Variants in BLM observed in about 807,000 individuals in gnomAD.
BLM encodes the protein BLM RecQ like helicase, also known as recQ-like DNA helicase BLM.
Under a neutral mutation model 135.3 loss-of-function variants are expected in BLM, and 95 were observed. The observed-to-expected ratio is 0.70, with a 90% CI of 0.59 to 0.83. The LOEUF (loss-of-function observed/expected upper bound fraction) is 0.83, where lower values mean the gene tolerates loss of function less well. Ranked by LOEUF, BLM falls within the 40% of genes least tolerant of loss-of-function variation. The probability of loss-of-function intolerance (pLI) is 0.00; values close to 1 mark genes in which losing one functional copy is unlikely to be tolerated. For synonymous variants in BLM, 520 were observed against 589.2 expected, an observed-to-expected ratio of 0.88 and a Z score of 1.70; for missense variants, 1,518 against 1,663.9, an observed-to-expected ratio of 0.91 and a Z score of 1.53.
chr15:90,720,283 A>G (rs1894731053), intron 1 of BLM, among the ~76,000 whole-genome samples: 1 of 152,224 alleles, frequency 6.6e-6, no homozygotes, highest in African/African-American at 2.4e-5. Context: ...AGCTGAATGA[A>G]AAATACAAGT....
intron 5 of BLM, among the ~76,000 whole-genome samples, chr15:90,756,837 G>A (rs1217676627): frequency 1.3e-5 from 2 of 152,226 alleles, no homozygotes; most frequent in Non-Finnish European, 2.9e-5. Context: ...GAGTCCTACA[G>A]ACCTGTAATA....
chr15:90,790,622 T>C (rs1896879233), intron 14 of BLM, 27 bp from the exon 15 acceptor site: 2 of 1,602,440 alleles, frequency 1.2e-6, no homozygotes, highest in South Asian at 2.2e-5. Flanking sequence ...GCCTTATGAA[T>C]CTAATAAGCT....
At chr15:90,730,221 A>C (rs1313948624) in intron 1 of BLM, among the ~76,000 whole-genome samples, 2 of 152,188 alleles carry the variant, frequency 1.3e-5, no homozygotes, top group Admixed American at 1.3e-4. Flanking sequence ...AGCCTTTGTG[A>C]ATATTAATGA....
intron 1 of BLM, among the ~76,000 whole-genome samples, chr15:90,738,604 A>AAAAC (rs1895283194): frequency 1.5e-5 from 2 of 129,660 alleles, no homozygotes; most frequent in Non-Finnish European, 3.4e-5. Flanking sequence ...CAAAACAAAA[A>AAAAC]CTCATACAGC....
chr15:90,742,720 G>A (rs773573157), intron 1 of BLM, among the ~76,000 whole-genome samples: 49 of 151,362 alleles, frequency 3.2e-4, no homozygotes, highest in East Asian at 7.8e-4. Flanking sequence ...CTGAAACCTC[G>A]ACCTCCCGGG....
At chr15:90,768,575 A>G (rs1896203479) in intron 10 of BLM, among the ~76,000 whole-genome samples, 1 of 152,240 alleles carries the variant, frequency 6.6e-6, no homozygotes, top group African/African-American at 2.4e-5. Context: ...GTCTTGAAGC[A>G]GACAAAAGTT....
chr15:90,765,265 T>A (rs1379856317), intron 8 of BLM, 31 bp from the exon 9 acceptor site: 2 of 1,496,268 alleles, frequency 1.3e-6, no homozygotes, highest in African/African-American at 2.8e-5. Context: ...AGACAGAACC[T>A]GACAGATATT....
rs1388713132 is a variant in BLM at position 90,769,594 on chromosome 15, G to A, written c.2555+8G>A. The A allele has an allele frequency of 1.3e-5, 21 of 1,613,032 alleles. No homozygotes were observed. The highest frequency in any genetic ancestry group is 1.7e-5 in the Admixed American group (1 of 59,908). On this transcript the variant is annotated splice_region_variant and intron_variant, in intron 12 of 21. Transcript: ENST00000355112. ...GATTCTCAGACCTCAGGTGTAAGTT[G>A]TTGCACGTCACGTATTTGAGAACCC... is the stretch of plus-strand genomic sequence containing the variant.
At chr15:90,748,638 C>T (rs1664924301) in intron 2 of BLM, among the ~76,000 whole-genome samples, 1 of 152,142 alleles carries the variant, frequency 6.6e-6, no homozygotes, top group South Asian at 2.1e-4. Flanking sequence ...AGCCACGATT[C>T]CTGCGTCTTT....
chr15:90,723,883 G>A (rs888261749), intron 1 of BLM, among the ~76,000 whole-genome samples: 1 of 152,236 alleles, frequency 6.6e-6, no homozygotes, highest in South Asian at 2.1e-4. Flanking sequence ...ATACCTCGTT[G>A]CAGTGGAATC....
intron 14 of BLM, among the ~76,000 whole-genome samples, chr15:90,787,036 CTTTTTTTTTTTTTTT>C (rs11366266): frequency 6.9e-5 from 4 of 57,986 alleles, no homozygotes; most frequent in African/African-American, 1.7e-4. Flanking sequence ...TTAGGCATCT[CTTTTTTTTTTTTTTT>C]TTTTTTTTTT....
At chr15:90,764,218 T>C (rs1407571557) in intron 8 of BLM, among the ~76,000 whole-genome samples, 3 of 149,506 alleles carry the variant, frequency 2.0e-5, no homozygotes, top group Non-Finnish European at 4.4e-5. Flanking sequence ...TTTCAACCAC[T>C]TGTGAGAGAG....
At chr15:90,754,451 C>G (rs573634197) in intron 4 of BLM, among the ~76,000 whole-genome samples, 1 of 152,230 alleles carries the variant, frequency 6.6e-6, no homozygotes, top group East Asian at 1.9e-4. Context: ...GCTAGAAGAA[C>G]AGGTGTGATT....
At chr15:90,778,944 G>C (rs551002935) in intron 12 of BLM, among the ~76,000 whole-genome samples, 5 of 145,932 alleles carry the variant, frequency 3.4e-5, no homozygotes, top group African/African-American at 1.3e-4. Flanking sequence ...GGAGTGCAGT[G>C]GTGCGATCTT....
In BLM at chr15:90,751,797, AAAG is replaced by A. The variant is rs587779895; in HGVS notation, c.819_821del (p.Lys273del). ...ACTGTTTTACTGTAGATAATAGCGA[AAAG>A]AAGAAGAATTTGGAAGAAGCTGAAT... is the stretch of plus-strand genomic sequence containing the variant. On this transcript the variant is annotated inframe_deletion, in exon 4 of 22. Transcript: ENST00000355112. 5.0e-5 allele frequency: 81 copies of A among 1,612,002 alleles called. No individual in the cohort carries two copies. Among genetic ancestry groups the A allele is most frequent in the Non-Finnish European group, 6.1e-5 (72 of 1,178,372 alleles).
intron 1 of BLM, among the ~76,000 whole-genome samples, chr15:90,741,647 A>C (rs1261378545): frequency 1.3e-5 from 2 of 152,120 alleles, no homozygotes; most frequent in African/African-American, 4.8e-5. Flanking sequence ...CTACATTTAT[A>C]GCTATATTTA....
At chr15:90,796,630 T>G (rs903116444) in intron 16 of BLM, among the ~76,000 whole-genome samples, 1 of 152,138 alleles carries the variant, frequency 6.6e-6, no homozygotes, top group Admixed American at 6.5e-5. Flanking sequence ...AATGATAGGC[T>G]AGGGAAGTAT....
chr15:90,764,984 G>A lies in BLM; in HGVS notation c.2075-312G>A, dbSNP rs553141373. 6.6e-5 allele frequency among the ~76,000 whole-genome samples: 10 copies of A among 152,228 alleles called. No individual in the cohort carries two copies. The East Asian group carries it at 1.5e-3, about 24-fold the overall frequency. On this transcript the variant is annotated intron_variant, in intron 8 of 21. Coordinates refer to ENST00000355112, the MANE Select transcript of BLM (RefSeq NM_000057.4). Reference sequence around the variant, plus strand: ...CTGGGGAGGGTAAGGCATGACAATTGCTTGAACCTGGGAGGTGGAGATTGT... The same window carrying A: ...CTGGGGAGGGTAAGGCATGACAATTACTTGAACCTGGGAGGTGGAGATTGT...
intron 17 of BLM, 65 bp from the exon 18 acceptor site, chr15:90,803,456 T>C (rs966110873): frequency 3.4e-6 from 5 of 1,484,658 alleles, no homozygotes; most frequent in Non-Finnish European, 4.7e-6. Context: ...CTTTTTAGCC[T>C]CTTCTATTTG....
Sources: allele counts gnomAD v4.1 joint callset (sites outside exome capture counted in the v4.1 genomes callset), GRCh38; gene constraint gnomAD v4.1.1; transcripts MANE v1.5; gene names NCBI Gene and HGNC (gene_info 2026-07-23, HGNC 2026-07-21).